Variants in MAPK10 observed in about 807,000 individuals in gnomAD.
MAPK10 encodes the protein mitogen-activated protein kinase 10.
A neutral mutation model predicts 59.3 loss-of-function variants in MAPK10; 25 were observed. The observed-to-expected ratio is 0.42, with a 90% CI of 0.31 to 0.59. The LOEUF (loss-of-function observed/expected upper bound fraction) is 0.59. Ranked by LOEUF, MAPK10 falls within the 20% of genes least tolerant of loss-of-function variation. The pLI is 0.15. For synonymous variants in MAPK10, 190 were observed against 200.5 expected (o/e 0.95, Z 0.44); for missense variants, 351 against 568.9 (o/e 0.62, Z 3.90).
At chr4:86,540,672 A>G (rs1758617187) in intron 1 of MAPK10, among the ~76,000 whole-genome samples, 1 of 152,238 alleles carries the variant, frequency 6.6e-6, no homozygotes, top group South Asian at 2.1e-4. Flanking sequence ...CCTGATAGCA[A>G]GGAAGAAGAA....
chr4:86,484,959 A>G (rs1468067271), intron 1 of MAPK10, among the ~76,000 whole-genome samples: 2 of 152,182 alleles, frequency 1.3e-5, no homozygotes, highest in African/African-American at 4.8e-5. Context: ...TCTAAGAGAG[A>G]GCAGTCAGGA....
At chr4:86,431,145 T>A (rs1372774801) in intron 1 of MAPK10, among the ~76,000 whole-genome samples, 1 of 152,022 alleles carries the variant, frequency 6.6e-6, no homozygotes, top group African/African-American at 2.4e-5. Context: ...AGATAACCTT[T>A]TAACAGTTTC....
chr4:86,085,774 C>T (rs1457021500), intron 9 of MAPK10, among the ~76,000 whole-genome samples: 2 of 152,096 alleles, frequency 1.3e-5, no homozygotes, highest in Non-Finnish European at 2.9e-5. Flanking sequence ...ATCAGTATAT[C>T]GAAGAGATAT....
chr4:86,119,437 A>G (rs1162569885), intron 4 of MAPK10: 1 of 152,250 alleles, frequency 6.6e-6, no homozygotes, highest in Non-Finnish European at 1.5e-5. Context: ...CTCTACTAAA[A>G]ATACAAAAAT....
At chr4:86,370,142 G>A (rs944173523) in intron 1 of MAPK10, among the ~76,000 whole-genome samples, 1 of 152,124 alleles carries the variant, frequency 6.6e-6, no homozygotes, top group African/African-American at 2.4e-5. Context: ...GTTTGATAAT[G>A]TTCTTAAAGT....
chr4:86,221,102 C>T (rs1451184996), intron 2 of MAPK10, among the ~76,000 whole-genome samples: 1 of 152,176 alleles, frequency 6.6e-6, no homozygotes, highest in Non-Finnish European at 1.5e-5. Flanking sequence ...GCCCATCAGT[C>T]AGGGACAGAC....
intron 2 of MAPK10, among the ~76,000 whole-genome samples, chr4:86,333,892 A>G (rs2096212662): frequency 6.6e-6 from 1 of 152,142 alleles, no homozygotes; most frequent in Admixed American, 6.6e-5. Flanking sequence ...TTTAACTTTT[A>G]CCACTATTAT....
chr4:86,282,950 G>C (rs1263752846), intron 2 of MAPK10, among the ~76,000 whole-genome samples: 1 of 152,146 alleles, frequency 6.6e-6, no homozygotes, highest in East Asian at 1.9e-4. Flanking sequence ...GTAATAGGTT[G>C]TATCTGCTTG....
intron 11 of MAPK10, among the ~76,000 whole-genome samples, chr4:86,062,880 G>A (rs77415366): frequency 0.026 from 3,949 of 152,168 alleles, 170 homozygotes; most frequent in African/African-American, 0.09. Flanking sequence ...TATTTTGGTT[G>A]TAAGAATATA....
intron 1 of MAPK10, among the ~76,000 whole-genome samples, chr4:86,533,115 T>C (rs745415683): frequency 1.3e-5 from 2 of 152,048 alleles, no homozygotes; most frequent in African/African-American, 2.4e-5. Flanking sequence ...TAGATGAACC[T>C]TAAAAACATT....
intron 2 of MAPK10, among the ~76,000 whole-genome samples, chr4:86,211,075 G>A (rs1362937520): frequency 6.6e-6 from 1 of 151,664 alleles, no homozygotes; most frequent in South Asian, 2.1e-4. Flanking sequence ...ATTAAACGAA[G>A]CCTAAGCAAC....
chr4:86,162,095 G>A (rs1387478518), intron 3 of MAPK10, among the ~76,000 whole-genome samples: 2 of 151,640 alleles, frequency 1.3e-5, no homozygotes, highest in Non-Finnish European at 2.9e-5. Context: ...ACTAGGTTTG[G>A]CACTCAAAAT....
At chr4:86,388,188 G>C (rs1288074614) in intron 1 of MAPK10, among the ~76,000 whole-genome samples, 1 of 151,742 alleles carries the variant, frequency 6.6e-6, no homozygotes, top group African/African-American at 2.4e-5. Flanking sequence ...AAAAATGTGT[G>C]TGTGTGCATG....
chr4:86,115,589 G>A (rs2058179839), intron 4 of MAPK10, among the ~76,000 whole-genome samples: 1 of 152,180 alleles, frequency 6.6e-6, no homozygotes, highest in Non-Finnish European at 1.5e-5. Context: ...AGCCTCCTGA[G>A]TAGCTGGGAT....
chr4:86,038,991 C>T (rs78410497), intron 11 of MAPK10, among the ~76,000 whole-genome samples: 1 of 152,182 alleles, frequency 6.6e-6, no homozygotes, highest in African/African-American at 2.4e-5. Context: ...ATGTACTATC[C>T]GTTGATTATT....
chr4:86,157,121 CT>C (rs1581493113), intron 4 of MAPK10, among the ~76,000 whole-genome samples: 1 of 151,824 alleles, frequency 6.6e-6, no homozygotes, highest in Non-Finnish European at 1.5e-5. Context: ...TTAGTATTAC[CT>C]TTTCCCCCAT....
intron 1 of MAPK10, among the ~76,000 whole-genome samples, chr4:86,491,892 T>C (rs1464748171): frequency 6.6e-6 from 1 of 152,234 alleles, no homozygotes; most frequent in Non-Finnish European, 1.5e-5. Context: ...GGCTAGAGAC[T>C]GTGCCTAGGT....
At chr4:86,463,699 G>A (rs941614596) in intron 1 of MAPK10, among the ~76,000 whole-genome samples, 4 of 152,224 alleles carry the variant, frequency 2.6e-5, no homozygotes, top group Admixed American at 6.5e-5. Context: ...AAAATTACTA[G>A]GGGACATTAA....
intron 9 of MAPK10, chr4:86,081,090 G>A (rs2050553909): frequency 6.6e-6 from 1 of 151,948 alleles, no homozygotes; most frequent in Non-Finnish European, 1.5e-5. Context: ...CAGTGGAACA[G>A]AATATACAGC....
Sources: allele counts gnomAD v4.1 joint callset (sites outside exome capture counted in the v4.1 genomes callset), GRCh38; gene constraint gnomAD v4.1.1; transcripts MANE v1.5; gene names NCBI Gene and HGNC (gene_info 2026-07-23, HGNC 2026-07-21).